Variants in PACRGL observed in about 807,000 individuals in gnomAD.
The protein encoded by PACRGL is PACRG-like protein.
PACRGL carries 38 observed loss-of-function variants against 34.5 expected under a neutral mutation model. The ratio of observed to expected loss-of-function variants is 1.10; its 90% CI spans 0.85 to 1.44. The LOEUF is 1.44. Ranked by LOEUF, PACRGL falls within the 40% of genes most tolerant of loss-of-function variation. PACRGL has a pLI of 0.00. For missense variants in PACRGL, 305 were observed against 281.4 expected (o/e 1.08, Z -0.60); for synonymous variants, 128 against 100.1 (o/e 1.28, Z -1.66).
At chr4:20,707,975 G>A (rs1735334619) in intron 4 of PACRGL, 105 bp downstream of exon 4, 1 of 871,598 alleles carries the variant, frequency 1.1e-6, no homozygotes, top group African/African-American at 1.7e-5. Flanking sequence ...TACTAGTGAG[G>A]TTGAAATAAA....
downstream of PACRGL, among the ~76,000 whole-genome samples, chr4:20,753,621 T>C (rs1485350066): frequency 6.6e-6 from 1 of 152,152 alleles, no homozygotes; most frequent in Non-Finnish European, 1.5e-5. Context: ...GCACGAGGAA[T>C]AGAATCACCT....
intron 3 of PACRGL, among the ~76,000 whole-genome samples, chr4:20,705,049 T>A (rs575851009): frequency 6.6e-6 from 1 of 152,318 alleles, no homozygotes; most frequent in South Asian, 2.1e-4. Context: ...TTGTAGTGCA[T>A]AGAAAATTGC....
downstream of PACRGL, among the ~76,000 whole-genome samples, chr4:20,757,094 G>A (rs982329134): frequency 2.0e-5 from 3 of 151,908 alleles, no homozygotes; most frequent in Admixed American, 6.6e-5. Context: ...GATCATTATC[G>A]CCCTATTCCT....
intron 7 of PACRGL, among the ~76,000 whole-genome samples, chr4:20,714,156 G>T (rs1738644451): frequency 6.6e-6 from 1 of 152,066 alleles, no homozygotes. Flanking sequence ...GGTCACTCAG[G>T]ACTTGCTTTA....
chr4:20,732,321 C>G lies in PACRGL; in HGVS notation c.*4980C>G, dbSNP rs1409929637. Among the ~76,000 whole-genome samples, 2 of 152,174 alleles carry G rather than the reference C, an allele frequency of 1.3e-5. No individual in the cohort carries two copies. The highest frequency in any genetic ancestry group is 2.9e-5 in the Non-Finnish European group (2 of 68,030). ...TCTGTCCTAGGTAAAATCCCACCTT[C>G]TAGATGTGACAGAGCTTGCGCAATT... On this transcript the variant is annotated 3_prime_UTR_variant, in exon 9 of 9. Transcript: ENST00000503585.
the PACRGL span, chr4:20,767,218 T>C: frequency 1.1e-4 from 17 of 152,160 alleles, no homozygotes; most frequent in Admixed American, 1.1e-3. Context: ...TTATGAAGTA[T>C]ATATGAATTA....
intron 8 of PACRGL, among the ~76,000 whole-genome samples, chr4:20,750,018 C>G (rs189781101): frequency 6.6e-6 from 1 of 152,050 alleles, no homozygotes; most frequent in Non-Finnish European, 1.5e-5. Flanking sequence ...AAGAAATGGT[C>G]CCATAGGTGG....
upstream of PACRGL, among the ~76,000 whole-genome samples, chr4:20,697,698 T>G (rs942245483): frequency 2.0e-5 from 3 of 152,152 alleles, no homozygotes; most frequent in Admixed American, 6.5e-5. Flanking sequence ...GAAATTGATT[T>G]CTCATGGTTC....
At chr4:20,707,726 G>A in intron 3 of PACRGL, 77 bp from the exon 4 acceptor site, 3 of 1,242,258 alleles carry the variant, frequency 2.4e-6, no homozygotes, top group East Asian at 4.7e-5. Context: ...CAGCTTGGCG[G>A]TTTGAAAAGC....
Position 20,700,524 on chromosome 4 carries a change from A to T in PACRGL, c.-280A>T, listed in dbSNP as rs1731683691. On this transcript the variant is annotated 5_prime_UTR_variant, in exon 1 of 9. The change creates a new upstream start codon in the 5' untranslated region. Coordinates refer to ENST00000503585, the MANE Select transcript of PACRGL (RefSeq NM_001258345.3). ...GTTGGCCGACCGAGTGCCGGTCATA[A>T]GCCCCCCCCGGTGGGGGGCAGCTGG... 6.6e-6 allele frequency: 1 copy of T among 152,034 alleles called. No homozygotes were observed. Among genetic ancestry groups the T allele is most frequent in the South Asian group, 2.1e-4 (1 of 4,816 alleles). 9.4% of individuals were successfully genotyped at this position (152,034 alleles called of 1,614,324 possible).
At position 20,724,801 on chromosome 4, in the gene PACRGL, T is replaced by G; in HGVS notation, c.610-7T>G. 1 of 1,462,568 alleles carries G rather than the reference T, an allele frequency of 6.8e-7. No individual in the cohort carries two copies. The highest frequency in any genetic ancestry group is 9.0e-7 in the Non-Finnish European group (1 of 1,112,664). 90.6% of individuals were successfully genotyped at this position (1,462,568 alleles called of 1,614,324 possible). The stretch of plus-strand genomic sequence containing the variant: ...CATTTCGTTTCCCCCTAATCTTACT[T>G]TAAAAGCTTTCCAAGAGATTAATGG... On this transcript the variant is annotated splice_region_variant and splice_polypyrimidine_tract_variant and intron_variant, in intron 7 of 8. Transcript: ENST00000503585.
At position 20,732,095 on chromosome 4, in the gene PACRGL, A is replaced by G. The variant is rs761738740; in HGVS notation, c.*4754A>G. On this transcript the variant is annotated 3_prime_UTR_variant, in exon 9 of 9. Coordinates refer to ENST00000503585, the MANE Select transcript of PACRGL (RefSeq NM_001258345.3). ...TGTTCAGGAAGAAAACAAAAATTGT[A>G]TTTAGACTTATCCCTTAATACCCTC... 1.4e-5 allele frequency: 21 copies of G among 1,504,438 alleles called. No individual in the cohort carries two copies. Among genetic ancestry groups the G allele is most frequent in the Middle Eastern group, 1.7e-4 (1 of 5,800 alleles). The allele number at this position is 1,504,438 out of a possible 1,614,324, so 93.2% of individuals were successfully genotyped here.
In PACRGL at chr4:20,712,931, T is replaced by C; in HGVS notation, c.501+9T>C. 1 of 1,534,254 alleles carries C rather than the reference T, an allele frequency of 6.5e-7. No homozygotes were observed. On this transcript the variant is annotated intron_variant, in intron 6 of 8. Transcript: ENST00000503585. ...TGCTAAAGGCAGCTCTGGTATGTCA[T>C]TTATTTCATTGTACTTTATATTTGA...
In PACRGL at chr4:20,729,955, CAAAGCTTGTTTGCA is replaced by C; in HGVS notation, c.*2615_*2628del. The C allele has an allele frequency of 8.8e-7, 1 of 1,130,388 alleles. No individual in the cohort carries two copies. Among genetic ancestry groups the C allele is most frequent in the African/African-American group, 1.6e-5 (1 of 62,828 alleles). The allele number at this position is 1,130,388 out of a possible 1,614,324, so 70.0% of individuals were successfully genotyped here. ...TTTTGGGGATTGCTTTATATTAAAA[CAAAGCTTGTTTGCA>C]TAATATGCTTCAGTGTCAAGCTGAG... On this transcript the variant is annotated 3_prime_UTR_variant, in exon 9 of 9. Transcript: ENST00000503585.
the PACRGL span, among the ~76,000 whole-genome samples, chr4:20,759,251 C>A: frequency 7.1e-6 from 1 of 140,596 alleles, no homozygotes; most frequent in Non-Finnish European, 1.6e-5. Context: ...TTTGGTGAAT[C>A]TTGGTTTTGT....
At chr4:20,763,486 AC>A in the PACRGL span, among the ~76,000 whole-genome samples, 1 of 152,114 alleles carries the variant, frequency 6.6e-6, no homozygotes, top group Admixed American at 6.6e-5. Flanking sequence ...GTACATGGAA[AC>A]TTTTTATGGG....
At chr4:20,706,093 T>C (rs971167321) in intron 3 of PACRGL, among the ~76,000 whole-genome samples, 6 of 151,892 alleles carry the variant, frequency 4.0e-5, no homozygotes, top group Admixed American at 1.3e-4. Flanking sequence ...TCTGAAATTG[T>C]TAAAAATTGA....
At chr4:20,741,381 ACAATG>A (rs1360429220) in intron 8 of PACRGL, among the ~76,000 whole-genome samples, 2 of 152,260 alleles carry the variant, frequency 1.3e-5, no homozygotes, top group African/African-American at 4.8e-5. Context: ...CTCTCAGACT[ACAATG>A]CAATCAAATT....
intron 8 of PACRGL, among the ~76,000 whole-genome samples, chr4:20,743,967 C>A (rs563919850): frequency 4.1e-4 from 63 of 152,022 alleles, no homozygotes; most frequent in African/African-American, 1.4e-3. Flanking sequence ...TGAACAGACT[C>A]TTCTCAAAAG....
Sources: allele counts gnomAD v4.1 joint callset (sites outside exome capture counted in the v4.1 genomes callset), GRCh38; gene constraint gnomAD v4.1.1; transcripts MANE v1.5; gene names NCBI Gene and HGNC (gene_info 2026-07-23, HGNC 2026-07-21).